Variants in PKN2 observed in about 807,000 individuals in gnomAD.
PKN2 encodes protein kinase N2.
Under a neutral mutation model 119.1 loss-of-function variants are expected in PKN2, and 38 were observed. The ratio of observed to expected loss-of-function variants is 0.32; its 90% CI spans 0.25 to 0.42. The LOEUF is 0.42. PKN2 is among the 10% of genes least tolerant of loss of function. PKN2 has a pLI of 1.00. For missense variants in PKN2, 850 were observed against 1,165.1 expected, an observed-to-expected ratio of 0.73 and a Z score of 3.94; for synonymous variants, 390 against 384.9, an observed-to-expected ratio of 1.01 and a Z score of -0.15.
chr1:88,747,104 G>C (rs1668800796), intron 2 of PKN2, among the ~76,000 whole-genome samples: 1 of 152,130 alleles, frequency 6.6e-6, no homozygotes, highest in African/African-American at 2.4e-5. Context: ...AACTGGGGAG[G>C]GGGAGGATGG....
chr1:88,833,448 A>G lies in PKN2; in HGVS notation c.2955A>G (p.Ter985=). The part of the protein sequence containing the change: ...RDFDYIADWC[*] The stretch of plus-strand genomic sequence containing the variant: ...TTGACTACATTGCTGATTGGTGTTA[A>G]GTTGCTAGACACTGCGAAACCAAGC... The change falls in exon 22 of 22, where the codon TAA becomes TAG. Residue 985 remains the stop codon, a stop_retained_variant. Transcript: ENST00000370521. 1 of 1,612,476 alleles carries G rather than the reference A, an allele frequency of 6.2e-7. No individual in the cohort carries two copies. The highest frequency in any genetic ancestry group is 8.5e-7 in the Non-Finnish European group (1 of 1,178,772).
intron 2 of PKN2, among the ~76,000 whole-genome samples, chr1:88,752,365 CATACTT>C (rs1669037031): frequency 6.6e-6 from 1 of 152,010 alleles, no homozygotes; most frequent in South Asian, 2.1e-4. Context: ...ACATATTTAA[CATACTT>C]ATTTCACAAT....
chr1:88,829,102 A>G, intron 19 of PKN2: 1 of 714,832 alleles, frequency 1.4e-6, no homozygotes. Context: ...TAAGAACAAA[A>G]TGGATGGAGA....
intron 1 of PKN2, among the ~76,000 whole-genome samples, chr1:88,737,703 G>A (rs1159851110): frequency 1.3e-5 from 2 of 152,102 alleles, no homozygotes; most frequent in East Asian, 3.9e-4. Context: ...GCTTGGTCTG[G>A]GGTTAAGGGG....
At chr1:88,720,889 A>G (rs1667650465) in intron 1 of PKN2, among the ~76,000 whole-genome samples, 1 of 152,136 alleles carries the variant, frequency 6.6e-6, no homozygotes, top group South Asian at 2.1e-4. Context: ...TTGATTTTCC[A>G]TTCCTGAGTT....
chr1:88,706,012 GCCAATTT>G (rs1472559004), intron 1 of PKN2, among the ~76,000 whole-genome samples: 1 of 148,678 alleles, frequency 6.7e-6, no homozygotes, highest in African/African-American at 2.5e-5. Flanking sequence ...AAACCGGCTT[GCCAATTT>G]CTAGAAAAAG....
rs959098681 is a variant in PKN2 at position 88,744,215 on chromosome 1, G to A, written c.349+2927G>A. Among the ~76,000 whole-genome samples the A allele has an allele frequency of 3.9e-5, 6 of 152,110 alleles. 1 individual carries two copies. Among genetic ancestry groups the A allele is most frequent in the Middle Eastern group, 6.3e-3 (2 of 316 alleles). The stretch of plus-strand genomic sequence containing the variant: ...AATCCCATGAATTTATTTTAGATTA[G>A]GTCTGGCAAGAAGATTTCAAGGACA... On this transcript the variant is annotated intron_variant, in intron 2 of 21. Transcript: ENST00000370521.
intron 8 of PKN2, 140 bp from the exon 9 acceptor site, chr1:88,804,251 C>A: frequency 1.6e-6 from 1 of 629,422 alleles, no homozygotes; most frequent in Non-Finnish European, 2.7e-6. Flanking sequence ...TGTTACAAAC[C>A]TCTTTAAAAC....
intron 6 of PKN2, among the ~76,000 whole-genome samples, chr1:88,773,507 C>A (rs1445521578): frequency 1.3e-5 from 2 of 151,988 alleles, no homozygotes; most frequent in African/African-American, 2.4e-5. Context: ...ATGATGGCCA[C>A]ACTGGTTTCA....
Position 88,805,659 on chromosome 1 carries a change from C to T in PKN2, c.1664C>T (p.Ala555Val). 6.2e-7 allele frequency: 1 copy of T among 1,614,052 alleles called. No individual in the cohort carries two copies. The highest frequency in any genetic ancestry group is 8.5e-7 in the Non-Finnish European group (1 of 1,179,978). The part of the protein sequence containing the change: ...PVVDVRIPQL[A>V]PPASDSTVTK... ...GTTGATGTACGCATCCCTCAACTAG[C>T]ACCTCCAGCTAGGTATGTGTCTGAG... Residue 555 changes from alanine to valine, a missense_variant, in exon 11 of 22, where the codon GCA (alanine) becomes GTA (valine). This residue lies in a region of PKN2 where 216 missense variants were observed against 252.8 expected (regional missense o/e 0.85). Transcript: ENST00000370521.
At chr1:88,788,115 G>A (rs893166615) in intron 8 of PKN2, among the ~76,000 whole-genome samples, 1 of 152,080 alleles carries the variant, frequency 6.6e-6, no homozygotes, top group East Asian at 1.9e-4. Context: ...TATGGCATTC[G>A]GGAACTAAGT....
chr1:88,804,513 A>G lies in PKN2; in HGVS notation c.1404A>G (p.Pro468=). The G allele has an allele frequency of 6.2e-7, 1 of 1,612,800 alleles. No individual in the cohort carries two copies. The highest frequency in any genetic ancestry group is 1.3e-5 in the African/African-American group (1 of 75,000). The change falls in exon 9 of 22, where the codon CCA becomes CCG. Residue 468 remains proline, a synonymous_variant. Transcript: ENST00000370521. ...ATGGCATGTGTCTCTATTTGGAACCACAGGGTACTTTATTTGCAGAGGTAA... is the reference window on the plus strand; with the variant it reads ...ATGGCATGTGTCTCTATTTGGAACCGCAGGGTACTTTATTTGCAGAGGTAA... ...QRHGMCLYLE[P]QGTLFAEVTF... is the part of the protein sequence containing the mutation.
intron 1 of PKN2, among the ~76,000 whole-genome samples, chr1:88,706,246 T>C (rs1467466187): frequency 2.0e-5 from 3 of 152,230 alleles, no homozygotes; most frequent in South Asian, 2.1e-4. Flanking sequence ...CATGTTTTTA[T>C]GCCATTTTAA....
intron 2 of PKN2, among the ~76,000 whole-genome samples, chr1:88,742,017 T>TA (rs1392647139): frequency 3.9e-5 from 6 of 152,122 alleles, no homozygotes; most frequent in Admixed American, 3.3e-4. Flanking sequence ...TCCTTCCAGA[T>TA]AAAAAATTCT....
intron 1 of PKN2, among the ~76,000 whole-genome samples, chr1:88,738,189 AC>A (rs1668430995): frequency 6.6e-6 from 1 of 151,580 alleles, no homozygotes; most frequent in African/African-American, 2.4e-5. Flanking sequence ...ACAAAAAAAA[AC>A]CAAACTAATC....
chr1:88,744,004 TA>T (rs1244258485), intron 2 of PKN2, among the ~76,000 whole-genome samples: 3 of 152,136 alleles, frequency 2.0e-5, no homozygotes, highest in Admixed American at 6.5e-5. Flanking sequence ...TTTATTTTAT[TA>T]AAAAAATTCT....
intron 16 of PKN2, among the ~76,000 whole-genome samples, chr1:88,818,647 CAAAAAA>C (rs199849657): frequency 1.2e-5 from 1 of 81,752 alleles, no homozygotes; most frequent in South Asian, 4.1e-4. Flanking sequence ...GACTCCTTCT[CAAAAAA>C]AAAAAAAAAA....
chr1:88,728,383 T>C (rs1486206635), intron 1 of PKN2, among the ~76,000 whole-genome samples: 1 of 152,348 alleles, frequency 6.6e-6, no homozygotes, highest in African/African-American at 2.4e-5. Flanking sequence ...AAATAAATAC[T>C]ACTTTTCTTG....
chr1:88,772,287 T>C (rs1669928751), intron 6 of PKN2, among the ~76,000 whole-genome samples: 1 of 152,252 alleles, frequency 6.6e-6, no homozygotes, highest in South Asian at 2.1e-4. Flanking sequence ...CATATTGTTG[T>C]CAAGGTTCAT....
Sources: gnomAD v4.1 joint callset for allele counts (sites outside exome capture counted in the v4.1 genomes callset) on GRCh38, gnomAD v4.1.1 for gene constraint, gnomAD v4.1.1 regional missense constraint, MANE v1.5 for transcripts, NCBI Gene and HGNC (gene_info 2026-07-23, HGNC 2026-07-21) for gene names.